Variants in IGSF10 observed in about 807,000 individuals in gnomAD.
IGSF10 encodes calvaria mechanical force protein 608.
A neutral mutation model predicts 128.2 loss-of-function variants in IGSF10; 126 were observed. That is an observed-to-expected ratio of 0.98 (90% CI 0.85 to 1.14). IGSF10 has a LOEUF of 1.14. IGSF10 is among the 50% of genes most tolerant of loss of function. IGSF10 has a pLI of 0.00. For synonymous variants in IGSF10, 1,185 were observed against 1,146.2 expected (o/e 1.03, Z -0.68); for missense variants, 3,295 against 3,149.8 (o/e 1.05, Z -1.10).
At chr3:151,533,967 A>C in the IGSF10 span, among the ~76,000 whole-genome samples, 591 of 152,290 alleles carry the variant, frequency 3.9e-3, 5 homozygotes, top group South Asian at 0.021. Flanking sequence ...AGAAAACAAC[A>C]ACAACAACTC....
the IGSF10 span, among the ~76,000 whole-genome samples, chr3:151,488,697 A>C: frequency 6.6e-6 from 1 of 152,196 alleles, no homozygotes; most frequent in Admixed American, 6.5e-5. Flanking sequence ...GATCTTTGAC[A>C]AACCTGACAA....
chr3:151,494,007 AAAAC>A, the IGSF10 span, among the ~76,000 whole-genome samples: 1 of 152,108 alleles, frequency 6.6e-6, no homozygotes, highest in African/African-American at 2.4e-5. Context: ...GTAAAGAAAA[AAAAC>A]AAAAAATTTA....
Position 151,447,125 on chromosome 3 carries a change from A to C in IGSF10, c.2856T>G (p.Asn952Lys), listed in dbSNP as rs191049927. The change falls in exon 6 of 8, where the codon AAT (asparagine) becomes AAG (lysine). Residue 952 changes from asparagine (N) to lysine (K), a missense_variant. Transcript: ENST00000282466. ...KLLLESVNTT[N>K]SHQTSVREVS... ...CTTCTCTTACAGATGTCTGATGACT[A>C]TTTGTGGTATTTACTGACTCTAATA... The C allele has an allele frequency of 2.5e-6, 4 of 1,614,162 alleles. No individual in the cohort carries two copies. The East Asian group carries it at 6.7e-5, about 27-fold the overall frequency.
the IGSF10 span, among the ~76,000 whole-genome samples, chr3:151,528,153 A>G: frequency 4.6e-5 from 7 of 152,198 alleles, no homozygotes; most frequent in African/African-American, 1.4e-4. Flanking sequence ...CTGGCATAAG[A>G]AAGCTCTTAA....
the IGSF10 span, among the ~76,000 whole-genome samples, chr3:151,530,237 G>A: frequency 1.4e-4 from 21 of 152,072 alleles, no homozygotes; most frequent in African/African-American, 4.8e-4. Context: ...ATGTTTGATA[G>A]GATGAGTCAC....
the IGSF10 span, among the ~76,000 whole-genome samples, chr3:151,585,501 A>T: frequency 6.6e-6 from 1 of 152,142 alleles, no homozygotes; most frequent in African/African-American, 2.4e-5. Context: ...AACTATGTAC[A>T]TGTCACTGTG....
In IGSF10 at chr3:151,445,024, C is replaced by A. The variant is rs928564053; in HGVS notation, c.4957G>T (p.Gly1653Ter). ...GGAATAGTAAAACTTGCAGCTTTTC[C>A]TCCAACTATCCTGGGCTTTTCAAAT... ...YIFEKPRIVGGKAASFTIPAN... is the reference protein window; with the variant it reads ...YIFEKPRIVG Residue 1653 changes from glycine (G) to a stop codon, truncating the protein, a stop_gained, in exon 6 of 8, where the codon GGA becomes TGA. Transcript: ENST00000282466. LOFTEE classifies it high-confidence loss of function. The A allele has an allele frequency of 6.2e-7, 1 of 1,614,152 alleles. No homozygotes were observed. The highest frequency in any genetic ancestry group is 8.5e-7 in the Non-Finnish European group (1 of 1,180,024).
the IGSF10 span, among the ~76,000 whole-genome samples, chr3:151,618,746 TA>T: frequency 7.1e-6 from 1 of 140,578 alleles, no homozygotes; most frequent in Middle Eastern, 3.7e-3. Context: ...AAATAAAAAA[TA>T]AAAAATAAAT....
In IGSF10 at chr3:151,437,228, T is replaced by TGC. The variant is rs1182157654; in HGVS notation, c.7331_7332dup (p.Ile2445AlafsTer30). On this transcript the variant is annotated frameshift_variant, in exon 8 of 8. Transcript: ENST00000282466. LOFTEE classifies it low-confidence loss of function (END_TRUNC). ...TGCAGTGATAGAGATTCTCCACTGATGCCTTTTACTGTCCCTGGTGCATAG... is the reference window on the plus strand; with the variant it reads ...TGCAGTGATAGAGATTCTCCACTGATGCGCCTTTTACTGTCCCTGGTGCATAG... 1 of 1,614,258 alleles carries TGC rather than the reference T, an allele frequency of 6.2e-7. No homozygotes were observed. Among genetic ancestry groups the TGC allele is most frequent in the Admixed American group, 1.7e-5 (1 of 60,022 alleles).
chr3:151,528,061 G>A, the IGSF10 span, among the ~76,000 whole-genome samples: 2 of 152,084 alleles, frequency 1.3e-5, no homozygotes, highest in African/African-American at 4.8e-5. Context: ...ACACCATGAA[G>A]ATAATACTCA....
the IGSF10 span, among the ~76,000 whole-genome samples, chr3:151,590,565 A>G: frequency 2.0e-5 from 3 of 152,196 alleles, no homozygotes; most frequent in Admixed American, 2.0e-4. Context: ...AGTAAAAAAG[A>G]TGACATGGAG....
chr3:151,546,147 C>G, the IGSF10 span, among the ~76,000 whole-genome samples: 1 of 151,352 alleles, frequency 6.6e-6, no homozygotes, highest in Non-Finnish European at 1.5e-5. Context: ...GCATCAAAAA[C>G]AGATCTATGA....
At chr3:151,463,559 T>TC, upstream of IGSF10, among the ~76,000 whole-genome samples, 1 of 115,660 alleles carries the variant, frequency 8.6e-6, no homozygotes, top group South Asian at 2.8e-4. Flanking sequence ...TTTTTTTTTT[T>TC]TTCTGAGACG....
chr3:151,513,787 A>C, the IGSF10 span, among the ~76,000 whole-genome samples: 1 of 152,232 alleles, frequency 6.6e-6, no homozygotes, highest in Non-Finnish European at 1.5e-5. Context: ...AGGATACAAA[A>C]TCAATGTACA....
chr3:151,447,872 C>T lies in IGSF10; in HGVS notation c.2109G>A (p.Leu703=). 1 of 1,614,074 alleles carries T rather than the reference C, an allele frequency of 6.2e-7. No homozygotes were observed. The highest frequency in any genetic ancestry group is 8.5e-7 in the Non-Finnish European group (1 of 1,179,996). The change falls in exon 6 of 8, where the codon CTG becomes CTA. Residue 703 remains leucine, a synonymous_variant. Transcript: ENST00000282466. ...PPGAQLRTSA[L]MEAEVGKHTS... is the part of the protein sequence containing the mutation. ...TGTGTTTTCCAACCTCAGCCTCCAT[C>T]AGAGCAGATGTACGGAGTTGTGCAC...
the IGSF10 span, among the ~76,000 whole-genome samples, chr3:151,598,539 T>C: frequency 3.3e-5 from 5 of 152,330 alleles, no homozygotes; most frequent in East Asian, 7.7e-4. Flanking sequence ...TAGAATGGTA[T>C]AACATTTGCA....
At chr3:151,504,252 A>T in the IGSF10 span, among the ~76,000 whole-genome samples, 1 of 152,158 alleles carries the variant, frequency 6.6e-6, no homozygotes, top group Non-Finnish European at 1.5e-5. Flanking sequence ...TAAAGGCAAG[A>T]TGGAGTTGGT....
chr3:151,543,257 T>C, the IGSF10 span, among the ~76,000 whole-genome samples: 7 of 136,274 alleles, frequency 5.1e-5, no homozygotes, highest in African/African-American at 2.1e-4. Context: ...AGTGGGTCGA[T>C]GGGCAGAAAG....
At chr3:151,498,033 G>A in the IGSF10 span, among the ~76,000 whole-genome samples, 1 of 152,250 alleles carries the variant, frequency 6.6e-6, no homozygotes, top group South Asian at 2.1e-4. Flanking sequence ...TGTATCCTGA[G>A]ACTTTGCTGA....
Sources: allele counts gnomAD v4.1 joint callset (sites outside exome capture counted in the v4.1 genomes callset), GRCh38; gene constraint gnomAD v4.1.1; transcripts MANE v1.5; gene names NCBI Gene and HGNC (gene_info 2026-07-23, HGNC 2026-07-21).